The following CDH13 variants were observed in gnomAD, a reference collection of about 807,000 sequenced individuals.
CDH13 encodes cadherin 13, also known as cadherin-13.
In CDH13, 24 loss-of-function variants were observed where a neutral mutation model predicts 63.8. That is an observed-to-expected ratio of 0.38 (90% CI 0.27 to 0.53). The LOEUF (loss-of-function observed/expected upper bound fraction) is 0.53, where lower values mean the gene tolerates loss of function less well. Among genes scored for constraint, CDH13 ranks in the 20% least tolerant of loss-of-function variants. The probability of loss-of-function intolerance (pLI) is 0.85; values close to 1 mark genes in which losing one functional copy is unlikely to be tolerated. For synonymous variants in CDH13, 503 were observed against 355.3 expected, an observed-to-expected ratio of 1.42 and a Z score of -4.67; for missense variants, 1,049 against 903.1, an observed-to-expected ratio of 1.16 and a Z score of -2.07.
At chr16:83,509,648 CAT>C (rs1316794236) in intron 7 of CDH13, among the ~76,000 whole-genome samples, 3 of 152,074 alleles carry the variant, frequency 2.0e-5, no homozygotes, top group Admixed American at 6.6e-5. Context: ...GAGAAGAAAA[CAT>C]ATAAAGGCAA....
intron 3 of CDH13, among the ~76,000 whole-genome samples, chr16:83,090,920 A>C (rs1157539120): frequency 6.6e-6 from 1 of 151,664 alleles, no homozygotes; most frequent in Non-Finnish European, 1.5e-5. Flanking sequence ...GGGAACCCCC[A>C]GCAAAATACT....
chr16:83,033,424 C>T (rs1916559483), intron 3 of CDH13, among the ~76,000 whole-genome samples: 1 of 152,206 alleles, frequency 6.6e-6, no homozygotes, highest in East Asian at 1.9e-4. Flanking sequence ...TGTTTTGTTT[C>T]CCAATGACTT....
At chr16:83,628,670 C>T (rs566608316) in intron 8 of CDH13, among the ~76,000 whole-genome samples, 2 of 152,200 alleles carry the variant, frequency 1.3e-5, no homozygotes, top group East Asian at 1.9e-4. Context: ...TCTATCTAGT[C>T]GGTATTTCAA....
intron 7 of CDH13, among the ~76,000 whole-genome samples, chr16:83,584,445 C>A (rs1004497174): frequency 6.6e-6 from 1 of 152,206 alleles, no homozygotes; most frequent in Admixed American, 6.5e-5. Flanking sequence ...TACAAGGGAA[C>A]TGTGTCAAGA....
intron 8 of CDH13, among the ~76,000 whole-genome samples, chr16:83,618,446 G>T (rs1196469099): frequency 1.3e-5 from 2 of 150,552 alleles, no homozygotes; most frequent in African/African-American, 4.9e-5. Flanking sequence ...AAAAAGAAAA[G>T]CACTAGGAAG....
chr16:83,531,095 A>G (rs1218183251), intron 7 of CDH13, among the ~76,000 whole-genome samples: 1 of 152,188 alleles, frequency 6.6e-6, no homozygotes, highest in East Asian at 1.9e-4. Context: ...CTGACATCTA[A>G]TAAGCAATCA....
chr16:83,446,845 T>G (rs2072702876), intron 6 of CDH13, among the ~76,000 whole-genome samples: 1 of 151,966 alleles, frequency 6.6e-6, no homozygotes, highest in African/African-American at 2.4e-5. Context: ...GCTTATCCTT[T>G]TGGGGGGCTT....
At chr16:83,646,846 T>C (rs556334403) in intron 8 of CDH13, among the ~76,000 whole-genome samples, 1 of 151,874 alleles carries the variant, frequency 6.6e-6, no homozygotes, top group Non-Finnish European at 1.5e-5. Context: ...GATGGCTTCT[T>C]CTCTAGCTGC....
chr16:83,254,872 G>C (rs1420898426), intron 5 of CDH13, among the ~76,000 whole-genome samples: 2 of 152,034 alleles, frequency 1.3e-5, no homozygotes, highest in Non-Finnish European at 2.9e-5. Context: ...TCCCTACTAG[G>C]GGAAATGCTA....
chr16:83,358,295 TCCTC>T (rs1478911211), intron 6 of CDH13, among the ~76,000 whole-genome samples: 2 of 152,136 alleles, frequency 1.3e-5, no homozygotes, highest in Non-Finnish European at 2.9e-5. Context: ...CCCTGTATTC[TCCTC>T]CTACCACCTA....
chr16:83,195,614 T>C (rs574232611), intron 4 of CDH13, among the ~76,000 whole-genome samples: 1 of 152,200 alleles, frequency 6.6e-6, no homozygotes, highest in African/African-American at 2.4e-5. Flanking sequence ...CCCCCCGCCG[T>C]GATCCCATCA....
In CDH13 at chr16:82,666,280, C is replaced by T. The variant is rs537399496; in HGVS notation, c.45+39143C>T. 7.9e-5 allele frequency among the ~76,000 whole-genome samples: 12 copies of T among 152,282 alleles called. 1 individual carries two copies. Among genetic ancestry groups the T allele is most frequent in the Admixed American group, 7.8e-4 (12 of 15,298 alleles). On this transcript the variant is annotated intron_variant, in intron 1 of 13. Coordinates refer to ENST00000567109, the MANE Select transcript of CDH13 (RefSeq NM_001257.5). ...ATGGAAGGCTTAGTGTTTGTTGTAC[C>T]AATTATGCCACAGGCAGTATCTTGT...
intron 8 of CDH13, among the ~76,000 whole-genome samples, chr16:83,646,889 C>G (rs1024695653): frequency 2.6e-5 from 4 of 152,026 alleles, no homozygotes; most frequent in Admixed American, 6.6e-5. Context: ...CCCCCTTTCC[C>G]CTTCACCTGC....
chr16:83,732,140 A>G (rs1446157718), intron 10 of CDH13, among the ~76,000 whole-genome samples: 2 of 152,328 alleles, frequency 1.3e-5, no homozygotes, highest in South Asian at 4.1e-4. Context: ...TTCTAGTGGG[A>G]AGACCGGCAA....
chr16:83,217,290 T>C, intron 4 of CDH13, 55 bp from the exon 5 acceptor site: 1 of 1,583,946 alleles, frequency 6.3e-7, no homozygotes, highest in Non-Finnish European at 8.7e-7. Flanking sequence ...GTTTGCAATG[T>C]GCTTTCTCTG....
chr16:82,929,651 C>CAAAAAAAAAAAAAAAAAAAAAA (rs71146097), intron 2 of CDH13, among the ~76,000 whole-genome samples: 9 of 44,280 alleles, frequency 2.0e-4, no homozygotes, highest in African/African-American at 1.1e-3. Flanking sequence ...GACTCCATCT[C>CAAAAAAAAAAAAAAAAAAAAAA]AAAAAAAAAA....
At chr16:82,873,688 T>G (rs1195428538) in intron 2 of CDH13, among the ~76,000 whole-genome samples, 1 of 152,208 alleles carries the variant, frequency 6.6e-6, no homozygotes, top group South Asian at 2.1e-4. Flanking sequence ...CATGCAATAT[T>G]TTTATTTTAA....
intron 1 of CDH13, among the ~76,000 whole-genome samples, chr16:82,818,296 G>A (rs2037825542): frequency 6.6e-6 from 1 of 152,134 alleles, no homozygotes; most frequent in Admixed American, 6.6e-5. Flanking sequence ...CACGTAGCTA[G>A]TAAGTTGTGA....
At chr16:83,706,008 G>A (rs151237772) in intron 10 of CDH13, among the ~76,000 whole-genome samples, 14 of 152,216 alleles carry the variant, frequency 9.2e-5, no homozygotes, top group East Asian at 3.9e-4. Flanking sequence ...CATCGTTTTC[G>A]TGTCTCTGTG....
Sources: gnomAD v4.1 joint callset for allele counts (sites outside exome capture counted in the v4.1 genomes callset) on GRCh38, gnomAD v4.1.1 for gene constraint, MANE v1.5 for transcripts, NCBI Gene and HGNC (gene_info 2026-07-23, HGNC 2026-07-21) for gene names.